Variants in MSR1 observed in about 807,000 individuals in gnomAD.
MSR1 encodes the protein macrophage scavenger receptor types I and II.
A neutral mutation model predicts 47.2 loss-of-function variants in MSR1; 53 were observed. That is an observed-to-expected ratio of 1.12 (90% CI 0.90 to 1.41). The LOEUF (loss-of-function observed/expected upper bound fraction) is 1.41, where lower values mean the gene tolerates loss of function less well. Ranked by LOEUF, MSR1 falls within the 40% of genes most tolerant of loss-of-function variation. The pLI is 0.00. For synonymous variants in MSR1, 239 were observed against 185.6 expected (o/e 1.29, Z -2.34); for missense variants, 786 against 546.9 (o/e 1.44, Z -4.36).
intron 3 of MSR1, among the ~76,000 whole-genome samples, chr8:16,173,087 C>G (rs780444898): frequency 6.6e-6 from 1 of 152,176 alleles, no homozygotes; most frequent in Non-Finnish European, 1.5e-5. Flanking sequence ...GAATCTGATA[C>G]TGATGTGTAC....
chr8:16,121,518 G>A (rs183374969), intron 8 of MSR1, among the ~76,000 whole-genome samples: 285 of 151,968 alleles, frequency 1.9e-3, no homozygotes, highest in Non-Finnish European at 3.1e-3. Context: ...TTCACTTGGC[G>A]TATGAAAAAT....
chr8:16,132,639 C>G (rs925391518), intron 8 of MSR1, among the ~76,000 whole-genome samples: 1 of 152,086 alleles, frequency 6.6e-6, no homozygotes, highest in African/African-American at 2.4e-5. Flanking sequence ...AGGCACCCAC[C>G]ACCACACTGG....
At chr8:16,187,182 T>C (rs1274239487) in intron 1 of MSR1, among the ~76,000 whole-genome samples, 1 of 151,392 alleles carries the variant, frequency 6.6e-6, no homozygotes, top group African/African-American at 2.4e-5. Flanking sequence ...GGCCCAATGA[T>C]GAAACCCTGT....
At chr8:16,149,724 A>G (rs1009287831) in intron 7 of MSR1, among the ~76,000 whole-genome samples, 1 of 152,122 alleles carries the variant, frequency 6.6e-6, no homozygotes, top group African/African-American at 2.4e-5. Flanking sequence ...ATGGCAGACA[A>G]TTTATTTTGC....
rs1254814004 is a variant in MSR1 at position 16,120,470 on chromosome 8, G to A, written c.1170C>T (p.Ser390=). 4.3e-6 allele frequency: 7 copies of A among 1,613,788 alleles called. No homozygotes were observed. Among genetic ancestry groups the A allele is most frequent in the African/African-American group, 4.0e-5 (3 of 74,840 alleles). ...EVRVGQVVCR[S]LGYPGVQAVH... ...CGGCTTGAACACCTGGGTATCCCAAGCTCCTACAGACGACCTGTCCAACGC... is the reference window on the plus strand; with the variant it reads ...CGGCTTGAACACCTGGGTATCCCAAACTCCTACAGACGACCTGTCCAACGC... The change falls in exon 9 of 10, where the codon AGC becomes AGT. Residue 390 remains serine, a synonymous_variant. Transcript: ENST00000262101.
chr8:16,170,598 C>T (rs1187106709), intron 3 of MSR1, among the ~76,000 whole-genome samples: 1 of 152,124 alleles, frequency 6.6e-6, no homozygotes. Context: ...TATGCAGCTC[C>T]ACCTGAGTCT....
At chr8:16,175,362 T>C (rs1253154317) in intron 2 of MSR1, 62 bp from the exon 3 acceptor site, 8 of 1,333,034 alleles carry the variant, frequency 6.0e-6, no homozygotes, top group African/African-American at 1.4e-5. Flanking sequence ...ATAATTAAAA[T>C]TGTTTTAATC....
intron 7 of MSR1, among the ~76,000 whole-genome samples, chr8:16,148,887 A>G (rs1487443113): frequency 6.6e-6 from 1 of 152,150 alleles, no homozygotes; most frequent in African/African-American, 2.4e-5. Context: ...AAAGATATAG[A>G]GAAACCTTAC....
At chr8:16,141,526 T>C (rs1289855509) in intron 8 of MSR1, among the ~76,000 whole-genome samples, 1 of 152,118 alleles carries the variant, frequency 6.6e-6, no homozygotes. Context: ...CATATTAACA[T>C]AAGCGAAAAG....
At chr8:16,177,649 T>C (rs1378976846) in intron 2 of MSR1, among the ~76,000 whole-genome samples, 13 of 152,130 alleles carry the variant, frequency 8.5e-5, no homozygotes, top group South Asian at 2.1e-4. Flanking sequence ...GAACCTAATA[T>C]TGTAGCTGGG....
At chr8:16,149,932 T>C (rs565677706) in intron 7 of MSR1, among the ~76,000 whole-genome samples, 1 of 151,932 alleles carries the variant, frequency 6.6e-6, no homozygotes, top group African/African-American at 2.4e-5. Flanking sequence ...TGTGTGTTTT[T>C]TTAAACGATT....
intron 8 of MSR1, among the ~76,000 whole-genome samples, chr8:16,141,263 C>A (rs1019913900): frequency 6.6e-6 from 1 of 152,052 alleles, no homozygotes; most frequent in Non-Finnish European, 1.5e-5. Context: ...TGTATGTAAC[C>A]TTTGAACCAT....
At chr8:16,154,784 C>A (rs1004871123) in intron 6 of MSR1, among the ~76,000 whole-genome samples, 22 of 151,932 alleles carry the variant, frequency 1.4e-4, no homozygotes, top group African/African-American at 4.6e-4. Context: ...TCTAGACTTA[C>A]AAACAATTCC....
chr8:16,123,094 C>G (rs1330452786), intron 8 of MSR1, among the ~76,000 whole-genome samples: 4 of 152,068 alleles, frequency 2.6e-5, no homozygotes, highest in African/African-American at 9.7e-5. Flanking sequence ...ATCCGCCCGA[C>G]TCGGCCTGCC....
intron 6 of MSR1, among the ~76,000 whole-genome samples, chr8:16,151,882 T>A (rs539846083): frequency 3.5e-4 from 53 of 152,262 alleles, no homozygotes; most frequent in African/African-American, 1.3e-3. Flanking sequence ...AATACCAGCT[T>A]TGCCACTTAC....
intron 9 of MSR1, among the ~76,000 whole-genome samples, chr8:16,119,091 A>C (rs1799940419): frequency 6.6e-6 from 1 of 152,288 alleles, no homozygotes; most frequent in Non-Finnish European, 1.5e-5. Flanking sequence ...CCAGGGGCTG[A>C]AACTGGCTAC....
chr8:16,172,000 T>A (rs1801500795), intron 3 of MSR1, among the ~76,000 whole-genome samples: 1 of 152,184 alleles, frequency 6.6e-6, no homozygotes, highest in South Asian at 2.1e-4. Context: ...GTTTTTGCTA[T>A]GATTAATATT....
chr8:16,152,026 A>C (rs1800874625), intron 6 of MSR1, among the ~76,000 whole-genome samples: 1 of 152,144 alleles, frequency 6.6e-6, no homozygotes, highest in Non-Finnish European at 1.5e-5. Context: ...AAACACTTAG[A>C]AAAGTGCCTG....
At chr8:16,133,877 C>T (rs1294572372) in intron 8 of MSR1, among the ~76,000 whole-genome samples, 2 of 152,210 alleles carry the variant, frequency 1.3e-5, no homozygotes, top group African/African-American at 4.8e-5. Context: ...AAAAACTTTA[C>T]TCAACCTTAA....
Sources: allele counts gnomAD v4.1 joint callset (sites outside exome capture counted in the v4.1 genomes callset), GRCh38; gene constraint gnomAD v4.1.1; transcripts MANE v1.5; gene names NCBI Gene and HGNC (gene_info 2026-07-23, HGNC 2026-07-21).